ITGBL1: variants seen among roughly 807,000 people sequenced by gnomAD.
The protein encoded by ITGBL1 is integrin beta-like protein 1.
In ITGBL1, 51 loss-of-function variants were observed where a neutral mutation model predicts 68.5. The ratio of observed to expected loss-of-function variants is 0.74; its 90% CI spans 0.59 to 0.94. The LOEUF is 0.94. Ranked by LOEUF, ITGBL1 falls within the 40% of genes least tolerant of loss-of-function variation. The pLI is 0.00. For missense variants in ITGBL1, 649 were observed against 647.4 expected, an observed-to-expected ratio of 1.00 and a Z score of -0.03; for synonymous variants, 209 against 227.3, an observed-to-expected ratio of 0.92 and a Z score of 0.72.
intron 2 of ITGBL1, among the ~76,000 whole-genome samples, chr13:101,501,182 C>T (rs181812679): frequency 2.6e-5 from 4 of 152,236 alleles, no homozygotes; most frequent in African/African-American, 7.2e-5. Flanking sequence ...ATCTGATGAC[C>T]TTTCTTCAGG....
At chr13:101,600,985 A>G (rs891532518) in intron 7 of ITGBL1, among the ~76,000 whole-genome samples, 9 of 152,146 alleles carry the variant, frequency 5.9e-5, no homozygotes, top group African/African-American at 1.4e-4. Flanking sequence ...CTCTTTTTCT[A>G]TTGATTGGAA....
At chr13:101,656,160 TTAAGA>T (rs563772826) in intron 7 of ITGBL1, among the ~76,000 whole-genome samples, 95 of 152,306 alleles carry the variant, frequency 6.2e-4, no homozygotes, top group African/African-American at 2.2e-3. Flanking sequence ...AATGTTCAGA[TTAAGA>T]TAAGAGACTG....
At chr13:101,631,166 A>G (rs928353055) in intron 7 of ITGBL1, among the ~76,000 whole-genome samples, 10 of 152,204 alleles carry the variant, frequency 6.6e-5, no homozygotes, top group Non-Finnish European at 1.3e-4. Context: ...TCCCCATGAA[A>G]CACCTTACAG....
intron 2 of ITGBL1, among the ~76,000 whole-genome samples, chr13:101,502,128 A>C (rs1346874232): frequency 6.6e-6 from 1 of 152,238 alleles, no homozygotes; most frequent in African/African-American, 2.4e-5. Flanking sequence ...CACACTTAAA[A>C]AAAACAACTA....
chr13:101,653,697 TC>T (rs1223166914), intron 7 of ITGBL1, among the ~76,000 whole-genome samples: 1 of 147,628 alleles, frequency 6.8e-6, no homozygotes, highest in Non-Finnish European at 1.5e-5. Context: ...AGAGAAGGCT[TC>T]TTTTTTTTTG....
chr13:101,453,373 A>G (rs2048190650), intron 1 of ITGBL1, among the ~76,000 whole-genome samples: 1 of 152,178 alleles, frequency 6.6e-6, no homozygotes, highest in African/African-American at 2.4e-5. Flanking sequence ...GTTCCTAAAG[A>G]CTGCTTAATG....
rs1027581651 is a variant in ITGBL1, at chr13:101,713,257, C to T, written c.1280-1181C>T. 4 of 152,188 alleles carry T rather than the reference C, an allele frequency of 2.6e-5. No homozygotes were observed. The East Asian group carries it at 7.7e-4, about 29-fold the overall frequency. 9.4% of individuals were successfully genotyped at this position (152,188 alleles called of 1,614,324 possible). A position where few individuals can be genotyped will look rare whatever the true frequency, so the allele number is the denominator to read the frequency against. ...CATGATATCTGTGATGACCACAACT[C>T]CTTTTTCCTGATCACTTTAATCACC... On this transcript the variant is annotated intron_variant, in intron 9 of 10. Transcript: ENST00000376180.
chr13:101,700,454 G>T (rs1251288131), intron 8 of ITGBL1, among the ~76,000 whole-genome samples: 3 of 152,026 alleles, frequency 2.0e-5, no homozygotes, highest in African/African-American at 7.3e-5. Flanking sequence ...TTTTCACTTG[G>T]AAAACAGCAA....
At chr13:101,469,706 C>CA (rs1365127599) in intron 2 of ITGBL1, among the ~76,000 whole-genome samples, 1 of 152,000 alleles carries the variant, frequency 6.6e-6, no homozygotes, top group Non-Finnish European at 1.5e-5. Flanking sequence ...AAAACAAAAA[C>CA]AAAAAACACC....
intron 2 of ITGBL1, among the ~76,000 whole-genome samples, chr13:101,481,622 T>G (rs1038246688): frequency 6.6e-6 from 1 of 152,070 alleles, no homozygotes; most frequent in African/African-American, 2.4e-5. Flanking sequence ...ACCCTGAATA[T>G]CTGGAGGAAC....
intron 2 of ITGBL1, among the ~76,000 whole-genome samples, chr13:101,556,844 G>C (rs1248385022): frequency 6.6e-6 from 1 of 152,160 alleles, no homozygotes; most frequent in Non-Finnish European, 1.5e-5. Context: ...CCTTGGTTTT[G>C]GACTTCGAGT....
intron 2 of ITGBL1, among the ~76,000 whole-genome samples, chr13:101,556,769 A>G (rs9554804): frequency 0.79 from 119,646 of 152,026 alleles, 47,080 homozygotes; most frequent in South Asian, 0.81. Flanking sequence ...GGTCACTGCC[A>G]GAAGCCAAAA....
chr13:101,465,521 CAGAA>C (rs1056403696), intron 2 of ITGBL1, among the ~76,000 whole-genome samples: 12 of 152,086 alleles, frequency 7.9e-5, no homozygotes, highest in African/African-American at 2.7e-4. Context: ...AGTCACATCT[CAGAA>C]GGAAGAAAAA....
At chr13:101,510,506 A>G (rs761505939) in intron 2 of ITGBL1, among the ~76,000 whole-genome samples, 1 of 152,146 alleles carries the variant, frequency 6.6e-6, no homozygotes, top group Non-Finnish European at 1.5e-5. Flanking sequence ...TCCTTTGGAT[A>G]TATACCTAGT....
intron 7 of ITGBL1, among the ~76,000 whole-genome samples, chr13:101,685,651 G>A (rs1285711519): frequency 6.6e-6 from 1 of 151,982 alleles, no homozygotes; most frequent in Non-Finnish European, 1.5e-5. Context: ...TAGTATTTAA[G>A]CAATTTTCTA....
intron 7 of ITGBL1, among the ~76,000 whole-genome samples, chr13:101,607,445 A>G (rs1030386364): frequency 4.6e-5 from 7 of 152,064 alleles, no homozygotes; most frequent in African/African-American, 1.2e-4. Flanking sequence ...TGGCTGCATA[A>G]TATTCCATTA....
downstream of ITGBL1, chr13:101,718,269 T>A (rs2034799158): frequency 6.6e-6 from 1 of 152,090 alleles, no homozygotes; most frequent in African/African-American, 2.4e-5. Flanking sequence ...ATGCCAGCAA[T>A]GCAAACACCA....
chr13:101,720,564 G>GTGTGTGTGTA (rs1233100229), downstream of ITGBL1: 1 of 138,736 alleles, frequency 7.2e-6, no homozygotes, highest in African/African-American at 2.6e-5. Flanking sequence ...GTGTGTGTGT[G>GTGTGTGTGTA]TATATGTGTG....
intron 7 of ITGBL1, among the ~76,000 whole-genome samples, chr13:101,659,039 A>ATTTTT (rs55935871): frequency 1.3e-3 from 140 of 103,794 alleles, no homozygotes; most frequent in Middle Eastern, 6.9e-3. Context: ...TGGTGATTGA[A>ATTTTT]TTTTTTTTTT....
Sources: gnomAD v4.1 joint callset for allele counts (sites outside exome capture counted in the v4.1 genomes callset) on GRCh38, gnomAD v4.1.1 for gene constraint, MANE v1.5 for transcripts, NCBI Gene and HGNC (gene_info 2026-07-23, HGNC 2026-07-21) for gene names.